WBP1L: variants seen among roughly 807,000 people sequenced by gnomAD.
The protein encoded by WBP1L is WW domain binding protein 1-like.
Under a neutral mutation model 33.7 loss-of-function variants are expected in WBP1L, and 17 were observed. The ratio of observed to expected loss-of-function variants is 0.50; its 90% CI spans 0.34 to 0.76. The LOEUF (loss-of-function observed/expected upper bound fraction) is 0.76, where lower values mean the gene tolerates loss of function less well. WBP1L is among the 30% of genes least tolerant of loss of function. The pLI is 0.01. For synonymous variants in WBP1L, 173 were observed against 190.8 expected (o/e 0.91, Z 0.77); for missense variants, 389 against 469.4 (o/e 0.83, Z 1.58).
At chr10:102,778,930 TG>T (rs763460488) in intron 1 of WBP1L, among the ~76,000 whole-genome samples, 37 of 152,284 alleles carry the variant, frequency 2.4e-4, no homozygotes, top group Non-Finnish European at 4.4e-4. Context: ...TGTACAGAGG[TG>T]CATGCTGAGG....
chr10:102,799,088 G>A (rs1302111191), intron 2 of WBP1L, among the ~76,000 whole-genome samples: 1 of 152,220 alleles, frequency 6.6e-6, no homozygotes, highest in Non-Finnish European at 1.5e-5. Flanking sequence ...CACCCTGGGA[G>A]GCCAAGGCAT....
chr10:102,752,883 A>G lies in WBP1L; in HGVS notation c.90+8740A>G, dbSNP rs1411874510. Among the ~76,000 whole-genome samples, 3 of 152,200 alleles carry G rather than the reference A, an allele frequency of 2.0e-5. No individual in the cohort carries two copies. In the East Asian group the frequency reaches 5.8e-4, roughly 29 times the overall value. ...GGAGAGTCCTCTTTTCAGGCCCCCA[A>G]GAGGCAGCTCATCTGTGGATGTTTG... is the stretch of plus-strand genomic sequence containing the variant. On this transcript the variant is annotated intron_variant, in intron 1 of 3. Transcript: ENST00000448841.
intron 1 of WBP1L, among the ~76,000 whole-genome samples, chr10:102,792,838 G>A (rs1222528872): frequency 2.0e-5 from 3 of 151,902 alleles, no homozygotes; most frequent in Non-Finnish European, 4.4e-5. Flanking sequence ...CAAGTGATCT[G>A]CCTGCCTTGG....
At chr10:102,764,038 TCCTGACCTC>T (rs1280483399) in intron 1 of WBP1L, among the ~76,000 whole-genome samples, 1 of 152,106 alleles carries the variant, frequency 6.6e-6, no homozygotes, top group African/African-American at 2.4e-5. Flanking sequence ...GGTCTCAAAC[TCCTGACCTC>T]AGGTGATCCG....
intron 1 of WBP1L, among the ~76,000 whole-genome samples, chr10:102,754,685 G>A (rs1842954198): frequency 6.6e-6 from 1 of 151,860 alleles, no homozygotes; most frequent in South Asian, 2.1e-4. Flanking sequence ...GAGACACCGC[G>A]GCAGGCCCCT....
chr10:102,803,408 A>G (rs775753650), intron 2 of WBP1L, among the ~76,000 whole-genome samples: 2 of 152,186 alleles, frequency 1.3e-5, no homozygotes, highest in Non-Finnish European at 2.9e-5. Context: ...CATGGGGCAC[A>G]TGACTCAGTT....
rs1410051103 is a variant in WBP1L at position 102,771,585 on chromosome 10, T to C, written c.91-26408T>C. On this transcript the variant is annotated intron_variant, in intron 1 of 3. Coordinates refer to ENST00000448841, the MANE Select transcript of WBP1L (RefSeq NM_001083913.2). ...TGGCTCATGCCTGTAATCCCAGCAC[T>C]TTGGTTGAGGTCAGGAGTTCGAGAC... is the stretch of plus-strand genomic sequence containing the variant. Among the ~76,000 whole-genome samples the C allele has an allele frequency of 2.0e-5, 3 of 151,760 alleles. No individual in the cohort carries two copies. In the East Asian group the frequency reaches 5.8e-4, roughly 30 times the overall value.
Position 102,743,988 on chromosome 10 carries a change from A to AGGAGGAGAG in WBP1L, c.-58_-50dup. 4.3e-6 allele frequency: 5 copies of AGGAGGAGAG among 1,175,398 alleles called. No homozygotes were observed. Among genetic ancestry groups the AGGAGGAGAG allele is most frequent in the Non-Finnish European group, 6.1e-6 (5 of 813,602 alleles). 72.8% of individuals were successfully genotyped at this position (1,175,398 alleles called of 1,614,324 possible). On this transcript the variant is annotated 5_prime_UTR_variant, in exon 1 of 4. Transcript: ENST00000448841. ...AAGGGAAGAAGGAAGAAGAGGGTAGAGGAGGAGAGGGAGGAGGAGGAGGGA... is the reference window on the plus strand; with the variant it reads ...AAGGGAAGAAGGAAGAAGAGGGTAGAGGAGGAGAGGGAGGAGAGGGAGGAGGAGGAGGGA...
chr10:102,755,737 A>G (rs944377656), intron 1 of WBP1L, among the ~76,000 whole-genome samples: 2 of 151,758 alleles, frequency 1.3e-5, no homozygotes, highest in Non-Finnish European at 2.9e-5. Context: ...GCTCATAACA[A>G]TGTTAAATAA....
chr10:102,762,379 A>G (rs1267460780), intron 1 of WBP1L, among the ~76,000 whole-genome samples: 1 of 152,196 alleles, frequency 6.6e-6, no homozygotes, highest in Non-Finnish European at 1.5e-5. Flanking sequence ...TACAAAATTC[A>G]GCTAATTATG....
chr10:102,811,135 AGTGGCTCACACCGGGCTCG>A (rs1420592842), intron 3 of WBP1L, among the ~76,000 whole-genome samples: 14 of 152,094 alleles, frequency 9.2e-5, no homozygotes, highest in Admixed American at 8.5e-4. Flanking sequence ...GGCCGGGCTC[AGTGGCTCACACCGGGCTCG>A]GTGGCTCAGC....
intron 1 of WBP1L, among the ~76,000 whole-genome samples, chr10:102,785,125 C>T (rs1319376651): frequency 6.6e-6 from 1 of 150,718 alleles, no homozygotes; most frequent in African/African-American, 2.4e-5. Context: ...CTGCCCACCA[C>T]AGCCTCCCAA....
At chr10:102,792,532 G>A (rs1008590441) in intron 1 of WBP1L, among the ~76,000 whole-genome samples, 4 of 148,252 alleles carry the variant, frequency 2.7e-5, no homozygotes, top group South Asian at 4.3e-4. Flanking sequence ...TGCTTGTAGC[G>A]TTTTCTCTGC....
intron 1 of WBP1L, among the ~76,000 whole-genome samples, chr10:102,777,140 T>A (rs1431868048): frequency 6.6e-6 from 1 of 152,146 alleles, no homozygotes; most frequent in Non-Finnish European, 1.5e-5. Context: ...AACACAGCTG[T>A]TGCCAACTAT....
At chr10:102,760,695 A>G (rs1314101363) in intron 1 of WBP1L, among the ~76,000 whole-genome samples, 1 of 151,912 alleles carries the variant, frequency 6.6e-6, no homozygotes, top group Admixed American at 6.6e-5. Context: ...TATTTCCATC[A>G]GCATTGCCCA....
At chr10:102,784,076 T>C (rs1843374379) in intron 1 of WBP1L, among the ~76,000 whole-genome samples, 1 of 152,146 alleles carries the variant, frequency 6.6e-6, no homozygotes, top group Non-Finnish European at 1.5e-5. Context: ...CCAGTAGATA[T>C]GACCAAGCCC....
intron 3 of WBP1L, among the ~76,000 whole-genome samples, chr10:102,810,503 T>TTCCC (rs1491458480): frequency 1.3e-3 from 7 of 5,552 alleles, no homozygotes; most frequent in Admixed American, 5.6e-3. Flanking sequence ...CCTTCCTTCC[T>TTCCC]TCCTTCCTTC....
rs373007769 is a variant in WBP1L at position 102,788,083 on chromosome 10, A to C, written c.91-9910A>C. On this transcript the variant is annotated intron_variant, in intron 1 of 3. Coordinates refer to ENST00000448841, the MANE Select transcript of WBP1L (RefSeq NM_001083913.2). Reference sequence around the variant, plus strand: ...GACAGAGACCCTGCCTCAGGAAAAAAAAAACAAAACCAATACTATCAGGGA... The same window carrying C: ...GACAGAGACCCTGCCTCAGGAAAAACAAAACAAAACCAATACTATCAGGGA... Among the ~76,000 whole-genome samples the C allele has an allele frequency of 1.9e-4, 28 of 151,044 alleles. No homozygotes were observed. In the South Asian group the frequency reaches 5.6e-3, roughly 30 times the overall value.
intron 2 of WBP1L, among the ~76,000 whole-genome samples, chr10:102,800,965 C>T (rs1012797427): frequency 2.6e-5 from 4 of 152,102 alleles, no homozygotes; most frequent in Admixed American, 6.6e-5. Flanking sequence ...GAAAGGCCTC[C>T]GGGAAAAAAT....
Sources: gnomAD v4.1 joint callset for allele counts (sites outside exome capture counted in the v4.1 genomes callset) on GRCh38, gnomAD v4.1.1 for gene constraint, MANE v1.5 for transcripts, NCBI Gene and HGNC (gene_info 2026-07-23, HGNC 2026-07-21) for gene names.